TES: variants seen among roughly 807,000 people sequenced by gnomAD.
The protein encoded by TES is testin.
A neutral mutation model predicts 48.2 loss-of-function variants in TES; 41 were observed. The ratio of observed to expected loss-of-function variants is 0.85; its 90% CI spans 0.66 to 1.10. The LOEUF is 1.10. Ranked by LOEUF, TES falls within the 50% of genes least tolerant of loss-of-function variation. TES has a pLI of 0.00. For missense variants in TES, 463 were observed against 515.1 expected (o/e 0.90, Z 0.98); for synonymous variants, 162 against 174.9 (o/e 0.93, Z 0.58).
chr7:116,219,471 A>G (rs563976888), intron 1 of TES, among the ~76,000 whole-genome samples: 1 of 152,272 alleles, frequency 6.6e-6, no homozygotes, highest in African/African-American at 2.4e-5. Context: ...AGTCTAGCTC[A>G]TTTAGGCTGG....
At chr7:116,243,199 A>G (rs1799872196) in intron 2 of TES, among the ~76,000 whole-genome samples, 1 of 152,178 alleles carries the variant, frequency 6.6e-6, no homozygotes, top group Non-Finnish European at 1.5e-5. Flanking sequence ...TTACTTCAAC[A>G]TGCATTCTTA....
intron 6 of TES, chr7:116,255,111 C>T (rs897131799): frequency 6.6e-6 from 1 of 151,530 alleles, no homozygotes; most frequent in Admixed American, 6.6e-5. Context: ...ATGGCAGATG[C>T]ACCTACTTTG....
At chr7:116,219,324 T>A (rs971923784) in intron 1 of TES, among the ~76,000 whole-genome samples, 1 of 152,140 alleles carries the variant, frequency 6.6e-6, no homozygotes, top group African/African-American at 2.4e-5. Flanking sequence ...CAGTACAGGT[T>A]TGAATTAAAG....
chr7:116,250,698 GTATT>G (rs1008100225), intron 4 of TES, among the ~76,000 whole-genome samples: 2 of 152,182 alleles, frequency 1.3e-5, no homozygotes, highest in African/African-American at 4.8e-5. Flanking sequence ...AATTTTCTAT[GTATT>G]TATTATCAAG....
rs928667463 is a variant in TES at position 116,216,952 on chromosome 7, T to TA, written c.27+6227dup. On this transcript the variant is annotated intron_variant, in intron 1 of 6. Coordinates refer to ENST00000358204, the MANE Select transcript of TES (RefSeq NM_015641.4). ...GGCTGTTAAAATAATTTTAAAAGAT[T>TA]AAAAAAAAACTATATGAGTGCTTTT... Among the ~76,000 whole-genome samples, 25 of 151,618 alleles carry TA rather than the reference T, an allele frequency of 1.6e-4. No individual in the cohort carries two copies. The East Asian group carries it at 2.7e-3, about 16-fold the overall frequency.
chr7:116,251,415 G>A, intron 4 of TES: 1 of 235,826 alleles, frequency 4.2e-6, no homozygotes. Flanking sequence ...GGGCACAGTG[G>A]CTCACGCCTG....
intron 2 of TES, among the ~76,000 whole-genome samples, chr7:116,240,359 A>AT (rs987852300): frequency 3.9e-4 from 60 of 152,148 alleles, no homozygotes; most frequent in African/African-American, 1.2e-3. Flanking sequence ...TAGTTTCTTG[A>AT]TTTTTTTCAG....
chr7:116,235,469 G>C (rs1038226494), intron 2 of TES, among the ~76,000 whole-genome samples: 13 of 152,178 alleles, frequency 8.5e-5, no homozygotes, highest in Admixed American at 7.2e-4. Context: ...ATTAATTGTA[G>C]TGTCTTGGTT....
chr7:116,230,941 G>T (rs1268512609), intron 1 of TES, among the ~76,000 whole-genome samples: 1 of 152,104 alleles, frequency 6.6e-6, no homozygotes, highest in East Asian at 1.9e-4. Context: ...TATTTATCTT[G>T]TCTTCCTTTT....
chr7:116,221,644 A>G (rs1173679600), intron 1 of TES, among the ~76,000 whole-genome samples: 1 of 152,156 alleles, frequency 6.6e-6, no homozygotes, highest in Non-Finnish European at 1.5e-5. Context: ...CTTACAGAAG[A>G]CTGTCCCCAC....
rs780569083 is a variant in TES, at chr7:116,249,196, C to T, written c.290C>T (p.Pro97Leu). ...YKRNVMILTN[P>L]VAAKKNVSIN... ...CGCAATGTTATGATATTGACGAATC[C>T]AGTTGCTGCCAAGAAGAATGTCTCC... The change falls in exon 3 of 7, where the codon CCA becomes CTA. Residue 97 changes from proline (P) to leucine (L), a missense_variant. Physicochemically the swap from Pro to Leu is moderately conservative, Grantham distance 98. Transcript: ENST00000358204. The T allele has an allele frequency of 1.9e-6, 3 of 1,614,034 alleles. No homozygotes were observed. The South Asian group carries it at 3.3e-5, about 18-fold the overall frequency.
chr7:116,251,240 G>A (rs1226045803), intron 4 of TES, among the ~76,000 whole-genome samples: 2 of 152,216 alleles, frequency 1.3e-5, no homozygotes, highest in Admixed American at 6.5e-5. Context: ...GGTGAATGAA[G>A]TAGATTTGAA....
At chr7:116,240,524 T>C (rs1799832179) in intron 2 of TES, among the ~76,000 whole-genome samples, 1 of 152,110 alleles carries the variant, frequency 6.6e-6, no homozygotes, top group East Asian at 1.9e-4. Flanking sequence ...TTTGCATATA[T>C]ATGTGTTAAT....
intron 2 of TES, among the ~76,000 whole-genome samples, chr7:116,235,202 C>A (rs1018830919): frequency 6.6e-6 from 1 of 152,204 alleles, no homozygotes; most frequent in Non-Finnish European, 1.5e-5. Context: ...CAGCCCACCT[C>A]AACCTCCCAA....
At chr7:116,228,141 A>G (rs1034770181) in intron 1 of TES, among the ~76,000 whole-genome samples, 2 of 151,656 alleles carry the variant, frequency 1.3e-5, no homozygotes, top group African/African-American at 2.4e-5. Context: ...TTCCATTCCC[A>G]TTTCTTATTC....
chr7:116,245,951 C>T (rs753455011), intron 2 of TES, among the ~76,000 whole-genome samples: 1 of 152,060 alleles, frequency 6.6e-6, no homozygotes, highest in African/African-American at 2.4e-5. Flanking sequence ...CAAGAGAACT[C>T]AATCACTATC....
intron 2 of TES, among the ~76,000 whole-genome samples, chr7:116,238,495 A>C: frequency 6.6e-6 from 1 of 152,154 alleles, no homozygotes; most frequent in Admixed American, 6.5e-5. Context: ...GTCACACACC[A>C]GTAAGCACTT....
rs989459623 is a variant in TES at position 116,230,259 on chromosome 7, T to C, written c.28-4275T>C. Among the ~76,000 whole-genome samples the C allele has an allele frequency of 3.9e-5, 6 of 152,188 alleles. No individual in the cohort carries two copies. In the South Asian group the frequency reaches 1.2e-3, roughly 32 times the overall value. The stretch of plus-strand genomic sequence containing the variant: ...ACTTACTTGCTCTCTGTCTGTGATG[T>C]TTAAAAGTTCCCTCACACTTAGGTC... On this transcript the variant is annotated intron_variant, in intron 1 of 6. Transcript: ENST00000358204.
chr7:116,256,678 G>C (rs760521714), intron 6 of TES, among the ~76,000 whole-genome samples: 4 of 152,160 alleles, frequency 2.6e-5, no homozygotes, highest in Admixed American at 6.5e-5. Context: ...TACAGGGATT[G>C]TAAGTATTAA....
Sources: gnomAD v4.1 joint callset for allele counts (sites outside exome capture counted in the v4.1 genomes callset) on GRCh38, gnomAD v4.1.1 for gene constraint, MANE v1.5 for transcripts, NCBI Gene and HGNC (gene_info 2026-07-23, HGNC 2026-07-21) for gene names.